The following NEBL variants were observed in gnomAD, a reference collection of about 807,000 sequenced individuals.
NEBL encodes nebulette, also known as LIM and SH3 protein 2.
Under a neutral mutation model 140.2 loss-of-function variants are expected in NEBL, and 122 were observed. The ratio of observed to expected loss-of-function variants is 0.87; its 90% confidence interval spans 0.75 to 1.01. NEBL has a LOEUF of 1.01. Among genes scored for constraint, NEBL ranks in the 50% least tolerant of loss-of-function variants. The pLI is 0.00. For missense variants in NEBL, 1,365 were observed against 1,231.3 expected, an observed-to-expected ratio of 1.11 and a Z score of -1.62; for synonymous variants, 436 against 398.9, an observed-to-expected ratio of 1.09 and a Z score of -1.11.
At chr10:21,067,812 A>G (rs1835635956) in intron 2 of NEBL, among the ~76,000 whole-genome samples, 1 of 152,014 alleles carries the variant, frequency 6.6e-6, no homozygotes, top group Non-Finnish European at 1.5e-5. Context: ...ACTTGTCTCT[A>G]CCAAAAAAAA....
At chr10:21,141,040 A>G (rs1382896375) in intron 2 of NEBL, among the ~76,000 whole-genome samples, 1 of 146,334 alleles carries the variant, frequency 6.8e-6, no homozygotes, top group African/African-American at 2.6e-5. Context: ...TCAAATAAAT[A>G]TAAAACAAGA....
chr10:20,955,394 G>A (rs1242251004), intron 4 of NEBL, among the ~76,000 whole-genome samples: 3 of 152,226 alleles, frequency 2.0e-5, no homozygotes, highest in Non-Finnish European at 4.4e-5. Context: ...CACTGTAGCT[G>A]GGTTTGAGTG....
At chr10:21,275,445 C>G (rs1314605297) in intron 1 of NEBL, among the ~76,000 whole-genome samples, 1 of 152,166 alleles carries the variant, frequency 6.6e-6, no homozygotes, top group Non-Finnish European at 1.5e-5. Context: ...TCCGAGAGTT[C>G]CTCTCACTGA....
At chr10:21,154,207 C>T (rs1185816498) in intron 2 of NEBL, among the ~76,000 whole-genome samples, 6 of 151,796 alleles carry the variant, frequency 4.0e-5, no homozygotes, top group Non-Finnish European at 8.8e-5. Context: ...ATCTGTAACC[C>T]CAGCACTTTG....
At position 20,889,959 on chromosome 10, in the gene NEBL, A is replaced by G. The variant is rs1057521303; in HGVS notation, c.154-10T>C. On this transcript the variant is annotated splice_polypyrimidine_tract_variant and intron_variant, in intron 2 of 27. Coordinates refer to ENST00000377122, the MANE Select transcript of NEBL (RefSeq NM_006393.3). ...CTTCTTTATAACGGATCTAAAAAAG[A>G]GAATGATTTACATAAGAAGAGAAAA... 7.2e-6 allele frequency: 11 copies of G among 1,519,698 alleles called. No homozygotes were observed. The highest frequency in any genetic ancestry group is 1.0e-5 in the Non-Finnish European group (11 of 1,097,910). The allele number at this position is 1,519,698 out of a possible 1,614,324, so 94.1% of individuals were successfully genotyped here.
rs961867900 is a variant in NEBL, at chr10:21,173,945, G to T, written c.-112C>A. On this transcript the variant is annotated 5_prime_UTR_variant, in exon 1 of 7. Coordinates refer to the NEBL transcript ENST00000417816. This position sits in a 1 kb window ranked among gnomAD's most constrained non-coding sequence, Gnocchi z 5.7. ...CCTGGCAGGCGGGAGGGCTGCGGGC[G>T]GCGGGCGCCGGGTAGGGAGTCGGCG... 1 of 1,388,956 alleles carries T rather than the reference G, an allele frequency of 7.2e-7. No individual in the cohort carries two copies. Among genetic ancestry groups the T allele is most frequent in the Non-Finnish European group, 9.2e-7 (1 of 1,083,194 alleles). 86.0% of individuals were successfully genotyped at this position (1,388,956 alleles called of 1,614,324 possible).
At position 20,787,211 on chromosome 10, in the gene NEBL, T is replaced by C. The variant is rs1212696309; in HGVS notation, c.2859A>G (p.Ser953=). 1.2e-6 allele frequency: 2 copies of C among 1,610,312 alleles called. No homozygotes were observed. The highest frequency in any genetic ancestry group is 3.3e-5 in the Admixed American group (2 of 59,844). ...SVSSMRSMQH[S]PNLRTYRAMY... is the part of the protein sequence containing the mutation. ...TCAAATGGACACTTACTAGATTTGG[T>C]GAATGCTGCATTGATCTCATGGATG... Residue 953 remains serine (S), a synonymous_variant, in exon 27 of 28, where the codon TCA becomes TCG. Coordinates refer to ENST00000377122, the MANE Select transcript of NEBL (RefSeq NM_006393.3).
At chr10:21,259,438 C>G (rs1459039703) in intron 1 of NEBL, among the ~76,000 whole-genome samples, 1 of 152,092 alleles carries the variant, frequency 6.6e-6, no homozygotes, top group Non-Finnish European at 1.5e-5. Flanking sequence ...TCATTCCCAC[C>G]CTTACTTCCT....
At chr10:20,837,865 A>G (rs1344717991) in intron 13 of NEBL, among the ~76,000 whole-genome samples, 1 of 152,184 alleles carries the variant, frequency 6.6e-6, no homozygotes, top group Non-Finnish European at 1.5e-5. Flanking sequence ...GGAATAACAA[A>G]GCCTGGATGA....
chr10:20,922,164 C>G (rs1452837742), intron 4 of NEBL, among the ~76,000 whole-genome samples: 1 of 152,154 alleles, frequency 6.6e-6, no homozygotes, highest in African/African-American at 2.4e-5. Context: ...CGCTGGAGAG[C>G]AGGCAACCTG....
chr10:21,241,365 C>T (rs528128455), intron 3 of NEBL, among the ~76,000 whole-genome samples: 14 of 152,106 alleles, frequency 9.2e-5, no homozygotes, highest in African/African-American at 2.4e-4. Context: ...TGAGCTTGTT[C>T]GGCCCCCTGG....
chr10:21,177,526 T>A (rs2132200833), upstream of NEBL, among the ~76,000 whole-genome samples: 1 of 152,190 alleles, frequency 6.6e-6, no homozygotes, highest in East Asian at 1.9e-4. Flanking sequence ...TATACAGTCT[T>A]TATTTTTCCT....
chr10:21,287,299 G>T (rs978781904), intron 1 of NEBL, among the ~76,000 whole-genome samples: 7 of 152,148 alleles, frequency 4.6e-5, no homozygotes, highest in African/African-American at 1.7e-4. Context: ...ATTTTGGGAG[G>T]CCGAGGCAGG....
At chr10:20,857,518 T>C (rs1204834251) in intron 9 of NEBL, among the ~76,000 whole-genome samples, 1 of 152,172 alleles carries the variant, frequency 6.6e-6, no homozygotes, top group East Asian at 1.9e-4. Context: ...AAATAACTTA[T>C]GGTCAAATAA....
At chr10:21,172,142 C>G in intron 2 of NEBL, 1 of 539,144 alleles carries the variant, frequency 1.9e-6, no homozygotes, top group Non-Finnish European at 3.3e-6. Context: ...GGCTGTAACA[C>G]TGCGAACCTC....
At chr10:21,010,219 T>G (rs945324563) in intron 3 of NEBL, among the ~76,000 whole-genome samples, 1 of 152,034 alleles carries the variant, frequency 6.6e-6, no homozygotes, top group Non-Finnish European at 1.5e-5. Flanking sequence ...GATATATGGT[T>G]TTTGTTTGTT....
chr10:20,959,798 A>G (rs557003286), intron 4 of NEBL, among the ~76,000 whole-genome samples: 3 of 152,064 alleles, frequency 2.0e-5, no homozygotes, highest in South Asian at 4.1e-4. Flanking sequence ...TTAAAAAAAG[A>G]TGTTGTCTAA....
At chr10:20,803,423 C>T (rs140766708) in intron 26 of NEBL, among the ~76,000 whole-genome samples, 74 of 152,040 alleles carry the variant, frequency 4.9e-4, no homozygotes, top group African/African-American at 1.7e-3. Context: ...AAAATCAATC[C>T]TTAAAATAGT....
chr10:21,044,111 C>T (rs966424691), intron 2 of NEBL, among the ~76,000 whole-genome samples: 1 of 152,032 alleles, frequency 6.6e-6, no homozygotes. Context: ...AAAAAGCCAC[C>T]ATAGGCAGGG....
Sources: allele counts gnomAD v4.1 joint callset (sites outside exome capture counted in the v4.1 genomes callset), GRCh38; gene constraint gnomAD v4.1.1; non-coding constraint Gnocchi (gnomAD v3.1); transcripts MANE v1.5; gene names NCBI Gene and HGNC (gene_info 2026-07-23, HGNC 2026-07-21).